The following ECEL1 variants were observed in gnomAD, a reference collection of about 807,000 sequenced individuals.
ECEL1 encodes the protein endothelin-converting enzyme-like 1.
In ECEL1, 87 loss-of-function variants were observed where a neutral mutation model predicts 101.8. The ratio of observed to expected loss-of-function variants is 0.85; its 90% CI spans 0.72 to 1.02. ECEL1 has a LOEUF of 1.02. Among genes scored for constraint, ECEL1 ranks in the 50% least tolerant of loss-of-function variants. The probability of loss-of-function intolerance (pLI) is 0.00; values close to 1 mark genes in which losing one functional copy is unlikely to be tolerated. For missense variants in ECEL1, 1,032 were observed against 1,079.2 expected (o/e 0.96, Z 0.61); for synonymous variants, 487 against 468.7 (o/e 1.04, Z -0.50).
chr2:232,480,508 G>A (rs1690550546), intron 16 of ECEL1, 33 bp from the exon 17 acceptor site: 2 of 1,612,138 alleles, frequency 1.2e-6, no homozygotes, highest in Admixed American at 1.7e-5. Context: ...GGGGAGGAGG[G>A]GGAGATGAAG....
chr2:232,485,514 C>T (rs1225110121), intron 2 of ECEL1, among the ~76,000 whole-genome samples: 1 of 152,348 alleles, frequency 6.6e-6, no homozygotes, highest in Middle Eastern at 3.4e-3. Context: ...CCGGGGCATT[C>T]GTAGGTCCCC....
At position 232,486,438 on chromosome 2, in the gene ECEL1, G is replaced by A; in HGVS notation, c.216C>T (p.Leu72=). 1 of 1,453,212 alleles carries A rather than the reference G, an allele frequency of 6.9e-7. No homozygotes were observed. The highest frequency in any genetic ancestry group is 9.0e-7 in the Non-Finnish European group (1 of 1,115,110). The allele number at this position is 1,453,212 out of a possible 1,614,324, so 90.0% of individuals were successfully genotyped here. A position where few individuals can be genotyped will look rare whatever the true frequency, so the allele number is the denominator to read the frequency against. Residue 72 remains leucine, a synonymous_variant, in exon 2 of 18, where the codon CTC becomes CTT. Transcript: ENST00000304546. ...CCAGCATAGCCGCCAGAATGGCGCA[G>A]AGGCCGGCGGCGAACACCAGCCCCG... is the stretch of plus-strand genomic sequence containing the variant. ...LLSGLVFAAG[L]CAILAAMLAL...
intron 8 of ECEL1, 102 bp downstream of exon 8, chr2:232,483,314 A>T: frequency 6.5e-7 from 1 of 1,528,134 alleles, no homozygotes; most frequent in Non-Finnish European, 9.0e-7. Context: ...AGGCCTGGTC[A>T]ACTCCACGAA....
At position 232,483,092 on chromosome 2, in the gene ECEL1, G is replaced by C. The variant is rs760757121; in HGVS notation, c.1581+13C>G. 1.9e-5 allele frequency: 30 copies of C among 1,609,640 alleles called. No homozygotes were observed. Among genetic ancestry groups the C allele is most frequent in the Admixed American group, 8.5e-5 (5 of 58,848 alleles). On this transcript the variant is annotated intron_variant, in intron 9 of 17. Transcript: ENST00000304546. ...GGCTGTGGACAGGCTGGGCAGGCAG[G>C]GTCAGGGCCCACCTCATACTCCTTG...
rs760355956 is a variant in ECEL1, at chr2:232,484,010, G to T, written c.1398C>A (p.Ser466Arg). The change falls in exon 7 of 18, where the codon AGC becomes AGA. Residue 466 changes from serine to arginine, a missense_variant. Transcript: ENST00000304546. ...AACAAGGGCAACCCACCTTGGCTTT[G>T]CTGGCAGCTGAGAAGTGCTCATGTA... The part of the protein sequence containing the change: ...LFVHEHFSAA[S>R]KAKVQQLVED... 7 of 1,602,602 alleles carry T rather than the reference G, an allele frequency of 4.4e-6. No homozygotes were observed. The South Asian group carries it at 7.7e-5, about 18-fold the overall frequency.
In ECEL1 at chr2:232,484,470, A is replaced by T. The variant is rs1292538458; in HGVS notation, c.1184+2T>A. 5 of 1,613,450 alleles carry T rather than the reference A, an allele frequency of 3.1e-6. No individual in the cohort carries two copies. The highest frequency in any genetic ancestry group is 3.4e-6 in the Non-Finnish European group (4 of 1,179,678). On this transcript the variant is annotated splice_donor_variant, in intron 6 of 17. Transcript: ENST00000304546. LOFTEE classifies it high-confidence loss of function. ...CAGAAAATGCCAGATCTGCAGCCAT[A>T]CCGGTGGGGTGTGGAGCGGATGAGC...
chr2:232,486,913 C>T (rs555207916), intron 1 of ECEL1, among the ~76,000 whole-genome samples, 159 bp from the exon 2 acceptor site: 1 of 152,280 alleles, frequency 6.6e-6, no homozygotes, highest in South Asian at 2.1e-4. Flanking sequence ...GCCACCACCC[C>T]CGGGTGCACA....
chr2:232,486,406 T>C lies in ECEL1; in HGVS notation c.248A>G (p.Lys83Arg). Reference sequence around the variant, plus strand: ...GCCGGCCGCGACCGGGCCCAGGTACTTGAGGGCCAGCATAGCCGCCAGAAT... The same window carrying C: ...GCCGGCCGCGACCGGGCCCAGGTACCTGAGGGCCAGCATAGCCGCCAGAAT... Reference protein sequence around the residue: ...CAILAAMLALKYLGPVAAGGG... With the variant: ...CAILAAMLALRYLGPVAAGGG... The change falls in exon 2 of 18, where the codon AAG becomes AGG. Residue 83 changes from lysine to arginine, a missense_variant. Transcript: ENST00000304546. 1 of 1,473,776 alleles carries C rather than the reference T, an allele frequency of 6.8e-7. No individual in the cohort carries two copies. The highest frequency in any genetic ancestry group is 8.9e-7 in the Non-Finnish European group (1 of 1,124,530). 91.3% of individuals were successfully genotyped at this position (1,473,776 alleles called of 1,614,324 possible).
At position 232,486,743 on chromosome 2, in the gene ECEL1, C is replaced by T. The variant is rs566903027; in HGVS notation, c.-90G>A. On this transcript the variant is annotated 5_prime_UTR_variant, in exon 2 of 18. Coordinates refer to ENST00000304546, the MANE Select transcript of ECEL1 (RefSeq NM_004826.4). ...CCTCCTCGTGGGCCTCCGCATGGCC[C>T]TGGGGCCGCAGCTGCGGGAAGGGCG... The T allele has an allele frequency of 2.3e-6, 3 of 1,301,636 alleles. No individual in the cohort carries two copies. Among genetic ancestry groups the T allele is most frequent in the African/African-American group, 3.1e-5 (2 of 64,192 alleles). The allele number at this position is 1,301,636 out of a possible 1,614,324, so 80.6% of individuals were successfully genotyped here. A position where few individuals can be genotyped will look rare whatever the true frequency, so the allele number is the denominator to read the frequency against.
Position 232,481,868 on chromosome 2 carries a change from C to T in ECEL1, c.1797-19G>A, listed in dbSNP as rs771146485. 3.1e-6 allele frequency: 5 copies of T among 1,613,606 alleles called. No individual in the cohort carries two copies. In the South Asian group the frequency reaches 3.3e-5, roughly 11 times the overall value. ...GAGAGACCTGGGCCCACAGCAGCAG[C>T]ATCAGGCCCTAGCCCTCCACCCTCT... is the stretch of plus-strand genomic sequence containing the variant. On this transcript the variant is annotated intron_variant, in intron 12 of 17. Transcript: ENST00000304546.
intron 1 of ECEL1, 85 bp from the exon 2 acceptor site, chr2:232,486,839 T>A: frequency 1.8e-6 from 1 of 549,766 alleles, no homozygotes; most frequent in Admixed American, 4.5e-5. Context: ...CAGGCCTGGG[T>A]GCAGAGGCCC....
Position 232,480,470 on chromosome 2 carries a change from C to T in ECEL1, c.2157G>A (p.Trp719Ter). The T allele has an allele frequency of 6.2e-7, 1 of 1,613,912 alleles. No individual in the cohort carries two copies. Among genetic ancestry groups the T allele is most frequent in the Non-Finnish European group, 8.5e-7 (1 of 1,179,944 alleles). Residue 719 changes from tryptophan to a stop codon, truncating the protein, a stop_gained, in exon 17 of 18, where the codon TGG (tryptophan) becomes TGA (stop). Transcript: ENST00000304546. LOFTEE classifies it high-confidence loss of function. ...TGGACTGCGACCGCCGCTTGATGCA[C>T]CAGTTCTGGGTCCAGGAGCGGGGTG... Reference protein sequence around the residue: ...QLFFIAFAQNWCIKRRSQSIY... With the variant: ...QLFFIAFAQN
At chr2:232,481,721 G>A in intron 13 of ECEL1, 61 bp downstream of exon 13, 1 of 1,557,702 alleles carries the variant, frequency 6.4e-7, no homozygotes, top group Non-Finnish European at 8.7e-7. Flanking sequence ...CCCCTACCCT[G>A]CCTCTCCACT....
In ECEL1 at chr2:232,484,491, T is replaced by C. The variant is rs1275447945; in HGVS notation, c.1165A>G (p.Ile389Val). 1 of 1,613,822 alleles carries C rather than the reference T, an allele frequency of 6.2e-7. No homozygotes were observed. The highest frequency in any genetic ancestry group is 1.1e-5 in the South Asian group (1 of 91,070). ...CCATACCGGTGGGGTGTGGAGCGGA[T>C]GAGCTGCGACACCTGCTGCATGTAG... is the stretch of plus-strand genomic sequence containing the variant. ...TDYMQQVSQL[I>V]RSTPHRVLHN... The change falls in exon 6 of 18, where the codon ATC becomes GTC. Residue 389 changes from isoleucine (I) to valine (V), a missense_variant. Coordinates refer to ENST00000304546, the MANE Select transcript of ECEL1 (RefSeq NM_004826.4).
At position 232,484,808 on chromosome 2, in the gene ECEL1, G is replaced by C. The variant is rs1559275933; in HGVS notation, c.1052C>G (p.Thr351Ser). 1 of 1,613,890 alleles carries C rather than the reference G, an allele frequency of 6.2e-7. No individual in the cohort carries two copies. Among genetic ancestry groups the C allele is most frequent in the East Asian group, 2.2e-5 (1 of 44,884 alleles). Residue 351 changes from threonine (T) to serine (S), a missense_variant, in exon 5 of 18, where the codon ACC (threonine) becomes AGC (serine). By Grantham distance (58) the Thr-to-Ser change is moderately conservative. Transcript: ENST00000304546. ...GGACTGGGCCACACTCACGTGGGGGGTGATCTTCTGCAGCTGCCCCAGCGT... is the reference window on the plus strand; with the variant it reads ...GGACTGGGCCACACTCACGTGGGGGCTGATCTTCTGCAGCTGCCCCAGCGT... ...KVTLGQLQKI[T>S]PHLRWKWLLD...
chr2:232,484,244 G>C, intron 6 of ECEL1, 21 bp from the exon 7 acceptor site: 1 of 1,602,296 alleles, frequency 6.2e-7, no homozygotes, highest in Non-Finnish European at 8.5e-7. Context: ...GGTGAAGCCA[G>C]TGGGTGTCCA....
intron 2 of ECEL1, among the ~76,000 whole-genome samples, chr2:232,485,665 A>G (rs1690701569): frequency 6.6e-6 from 1 of 152,046 alleles, no homozygotes; most frequent in Non-Finnish European, 1.5e-5. Context: ...CGGCTCCTCT[A>G]AACACCGCAA....
At chr2:232,487,170 T>G (rs1690751264) in intron 1 of ECEL1, among the ~76,000 whole-genome samples, 1 of 152,110 alleles carries the variant, frequency 6.6e-6, no homozygotes, top group African/African-American at 2.4e-5. Context: ...ATGCGACACT[T>G]TCAGCTCTCC....
chr2:232,484,066 G>A lies in ECEL1; in HGVS notation c.1342C>T (p.His448Tyr). The change falls in exon 7 of 18, where the codon CAC becomes TAC. Residue 448 changes from histidine (H) to tyrosine (Y), a missense_variant. By Grantham distance (83) the His-to-Tyr change is moderately conservative. Transcript: ENST00000304546. The part of the protein sequence containing the change: ...ARVCLGQANR[H>Y]FGMALGALFV... ...AGGGCGCCAAGCGCCATGCCAAAGT[G>A]GCGATTGGCCTGGCCCAAGCAGACC... 1 of 1,612,926 alleles carries A rather than the reference G, an allele frequency of 6.2e-7. No individual in the cohort carries two copies. The highest frequency in any genetic ancestry group is 8.5e-7 in the Non-Finnish European group (1 of 1,179,180).
Sources: gnomAD v4.1 joint callset for allele counts (sites outside exome capture counted in the v4.1 genomes callset) on GRCh38, gnomAD v4.1.1 for gene constraint, MANE v1.5 for transcripts, NCBI Gene and HGNC (gene_info 2026-07-23, HGNC 2026-07-21) for gene names.